ZNF608: variants seen among roughly 807,000 people sequenced by gnomAD.
ZNF608 encodes the protein renal carcinoma antigen NY-REN-36.
A neutral mutation model predicts 109.0 loss-of-function variants in ZNF608; 12 were observed. The observed-to-expected ratio is 0.11, with a 90% CI of 0.07 to 0.18. The LOEUF is 0.18. Ranked by LOEUF, ZNF608 falls within the 10% of genes least tolerant of loss-of-function variation. The pLI is 1.00. For missense variants in ZNF608, 1,707 were observed against 1,879.3 expected, an observed-to-expected ratio of 0.91 and a Z score of 1.70; for synonymous variants, 732 against 717.4, an observed-to-expected ratio of 1.02 and a Z score of -0.33.
chr5:124,705,411 G>A (rs1401947770), intron 2 of ZNF608, among the ~76,000 whole-genome samples: 1 of 152,130 alleles, frequency 6.6e-6, no homozygotes, highest in African/African-American at 2.4e-5. Flanking sequence ...AGAAATGGGA[G>A]TAATAATAAC....
intron 2 of ZNF608, among the ~76,000 whole-genome samples, chr5:124,712,310 G>A (rs1409844585): frequency 6.6e-6 from 1 of 152,150 alleles, no homozygotes; most frequent in Non-Finnish European, 1.5e-5. Context: ...GTCATGGCCT[G>A]GGATGGGGAG....
At chr5:124,669,034 A>G (rs1457479418) in intron 3 of ZNF608, among the ~76,000 whole-genome samples, 2 of 152,216 alleles carry the variant, frequency 1.3e-5, no homozygotes, top group African/African-American at 4.8e-5. Flanking sequence ...CCTATTGCAA[A>G]GGGCATACTG....
chr5:124,664,532 C>G (rs1469785872), intron 3 of ZNF608, among the ~76,000 whole-genome samples: 1 of 149,746 alleles, frequency 6.7e-6, no homozygotes, highest in Non-Finnish European at 1.5e-5. Flanking sequence ...ATGTGTAGGT[C>G]GCAAGAATAA....
Position 124,647,068 on chromosome 5 carries a change from C to T in ZNF608, c.3316G>A (p.Glu1106Lys). 1 of 1,614,096 alleles carries T rather than the reference C, an allele frequency of 6.2e-7. No individual in the cohort carries two copies. The highest frequency in any genetic ancestry group is 2.2e-5 in the East Asian group (1 of 44,888). ...ATSPAYRQQY[E>K]KYYEDQRLAE... is the part of the protein sequence containing the mutation. ...AGCCTCTGGTCCTCATAGTACTTCTCATACTGCTGTCTATAGGCAGGGCTG... is the reference window on the plus strand; with the variant it reads ...AGCCTCTGGTCCTCATAGTACTTCTTATACTGCTGTCTATAGGCAGGGCTG... The change falls in exon 5 of 10, where the codon GAG becomes AAG. Residue 1106 changes from glutamate (E) to lysine (K), a missense_variant. Transcript: ENST00000513986.
intron 2 of ZNF608, among the ~76,000 whole-genome samples, chr5:124,711,231 A>T (rs1230502066): frequency 6.6e-6 from 1 of 152,110 alleles, no homozygotes; most frequent in East Asian, 1.9e-4. Context: ...TCAACAGATC[A>T]CTCTCCAGAG....
intron 2 of ZNF608, among the ~76,000 whole-genome samples, chr5:124,728,168 T>C (rs6868060): frequency 0.97 from 147,465 of 152,284 alleles, 71,426 homozygotes; most frequent in East Asian, 1. Context: ...CTCCTCCTAT[T>C]AGACCAGTCC....
intron 3 of ZNF608, among the ~76,000 whole-genome samples, chr5:124,695,092 T>C (rs1402307934): frequency 6.6e-6 from 1 of 152,084 alleles, no homozygotes; most frequent in Non-Finnish European, 1.5e-5. Flanking sequence ...TTTATCTCCA[T>C]TTAGCGCAGG....
intron 3 of ZNF608, among the ~76,000 whole-genome samples, chr5:124,690,725 G>A (rs546000127): frequency 6.6e-6 from 1 of 151,580 alleles, no homozygotes; most frequent in African/African-American, 2.4e-5. Context: ...TGAATGATCT[G>A]AACTAAAGAC....
chr5:124,638,255 T>TTTC (rs1491450966), intron 9 of ZNF608, among the ~76,000 whole-genome samples: 1 of 51,626 alleles, frequency 1.9e-5, no homozygotes, highest in Non-Finnish European at 4.1e-5. Context: ...CGGCCAACAG[T>TTTC]TTTTTTTTTT....
intron 2 of ZNF608, among the ~76,000 whole-genome samples, chr5:124,741,699 T>G (rs909962039): frequency 2.6e-5 from 4 of 152,228 alleles, no homozygotes; most frequent in Admixed American, 2.0e-4. Context: ...TGATGCCTAA[T>G]TTGATGCAAC....
intron 3 of ZNF608, among the ~76,000 whole-genome samples, chr5:124,674,736 G>A (rs1751865490): frequency 6.6e-6 from 1 of 152,054 alleles, no homozygotes; most frequent in African/African-American, 2.4e-5. Flanking sequence ...TCAGCCTCCT[G>A]AGTAGCTTGG....
intron 2 of ZNF608, among the ~76,000 whole-genome samples, chr5:124,716,142 C>CAAAAAAA (rs1232356378): frequency 2.4e-4 from 18 of 73,922 alleles, no homozygotes; most frequent in South Asian, 5.0e-4. Context: ...GAATCCGTCT[C>CAAAAAAA]AAAAAAAAAA....
intron 5 of ZNF608, 31 bp downstream of exon 5, chr5:124,646,648 T>C: frequency 6.3e-7 from 1 of 1,592,380 alleles, no homozygotes. Context: ...GACTGCTCTC[T>C]CCCTGTTGGG....
chr5:124,678,931 G>T (rs1752077332), intron 3 of ZNF608, among the ~76,000 whole-genome samples: 1 of 152,190 alleles, frequency 6.6e-6, no homozygotes, highest in African/African-American at 2.4e-5. Context: ...GGTCCTGCCA[G>T]TTCAGTAAAC....
At chr5:124,652,113 G>A (rs150258872) in intron 3 of ZNF608, among the ~76,000 whole-genome samples, 4 of 152,348 alleles carry the variant, frequency 2.6e-5, no homozygotes, top group Admixed American at 2.0e-4. Flanking sequence ...ACCCAGGGCA[G>A]GCAATTAATC....
At chr5:124,666,707 C>CTG (rs1491500180) in intron 3 of ZNF608, among the ~76,000 whole-genome samples, 77 of 126,820 alleles carry the variant, frequency 6.1e-4, no homozygotes, top group African/African-American at 2.3e-3. Flanking sequence ...ACTGGGTTTG[C>CTG]TCTGTGTGTG....
intron 2 of ZNF608, among the ~76,000 whole-genome samples, chr5:124,729,448 G>A (rs770632249): frequency 2.0e-5 from 3 of 152,116 alleles, no homozygotes; most frequent in Non-Finnish European, 2.9e-5. Context: ...ACACTGGAGC[G>A]GAAACCTATT....
At chr5:124,642,707 T>C (rs1010300709) in intron 7 of ZNF608, among the ~76,000 whole-genome samples, 2 of 145,002 alleles carry the variant, frequency 1.4e-5, no homozygotes, top group Non-Finnish European at 3.0e-5. Flanking sequence ...TTTTTTTTTT[T>C]TTTTTTTTTG....
At chr5:124,668,195 AATAT>A (rs34612595) in intron 3 of ZNF608, among the ~76,000 whole-genome samples, 18,033 of 135,514 alleles carry the variant, frequency 0.13, 1,270 homozygotes, top group East Asian at 0.22. Flanking sequence ...TATGCTTAAA[AATAT>A]ATATATATAT....
Sources: gnomAD v4.1 joint callset for allele counts (sites outside exome capture counted in the v4.1 genomes callset) on GRCh38, gnomAD v4.1.1 for gene constraint, MANE v1.5 for transcripts, NCBI Gene and HGNC (gene_info 2026-07-23, HGNC 2026-07-21) for gene names.